KDM4C: variants seen among roughly 807,000 people sequenced by gnomAD.
KDM4C encodes the protein lysine demethylase 4C.
In KDM4C, 81 loss-of-function variants were observed where a neutral mutation model predicts 129.3. The observed-to-expected ratio is 0.63, with a 90% CI of 0.52 to 0.75. KDM4C has a LOEUF of 0.75. Ranked by LOEUF, KDM4C falls within the 30% of genes least tolerant of loss-of-function variation. The pLI is 0.00. For missense variants in KDM4C, 1,457 were observed against 1,304.0 expected, an observed-to-expected ratio of 1.12 and a Z score of -1.81; for synonymous variants, 573 against 456.1, an observed-to-expected ratio of 1.26 and a Z score of -3.26.
chr9:6,866,479 A>T (rs1842004281), intron 5 of KDM4C, among the ~76,000 whole-genome samples: 2 of 152,108 alleles, frequency 1.3e-5, no homozygotes, highest in African/African-American at 4.8e-5. Context: ...ACAGTGTAGC[A>T]CTGCTGAGCT....
chr9:7,112,196 A>G (rs1197077618), intron 18 of KDM4C, among the ~76,000 whole-genome samples: 1 of 152,160 alleles, frequency 6.6e-6, no homozygotes, highest in African/African-American at 2.4e-5. Context: ...ACTTTCCTTC[A>G]TCCATGTTCC....
At position 6,798,940 on chromosome 9, in the gene KDM4C, G is replaced by A. The variant is rs1012539244; in HGVS notation, c.144+5808G>A. On this transcript the variant is annotated intron_variant, in intron 2 of 21. Coordinates refer to ENST00000381309, the MANE Select transcript of KDM4C (RefSeq NM_015061.6). Reference sequence around the variant, plus strand: ...TCCCAGACGGGGTCGCGGTCGGGTCGAGGCGCTCCTCACATCCCAGACGAT... The same window carrying A: ...TCCCAGACGGGGTCGCGGTCGGGTCAAGGCGCTCCTCACATCCCAGACGAT... Among the ~76,000 whole-genome samples the A allele has an allele frequency of 5.3e-5, 8 of 151,316 alleles. No individual in the cohort carries two copies. In the East Asian group the frequency reaches 7.8e-4, roughly 15 times the overall value.
intron 19 of KDM4C, 140 bp from the exon 20 acceptor site, chr9:7,165,098 G>C: frequency 2.1e-6 from 2 of 974,810 alleles, no homozygotes; most frequent in South Asian, 3.5e-5. Context: ...CTCTTCCCCT[G>C]AACACCCATG....
At chr9:7,068,119 G>C (rs953092571) in intron 17 of KDM4C, among the ~76,000 whole-genome samples, 2 of 152,086 alleles carry the variant, frequency 1.3e-5, no homozygotes, top group Non-Finnish European at 2.9e-5. Context: ...TTTCTATGGA[G>C]AAAATAACTT....
intron 8 of KDM4C, among the ~76,000 whole-genome samples, chr9:6,954,351 ATAAT>A (rs1225432789): frequency 6.6e-6 from 1 of 152,140 alleles, no homozygotes; most frequent in East Asian, 1.9e-4. Context: ...GGGCTATGGT[ATAAT>A]TAATTATGTC....
At chr9:6,953,707 G>A (rs949605720) in intron 8 of KDM4C, among the ~76,000 whole-genome samples, 22 of 152,270 alleles carry the variant, frequency 1.4e-4, no homozygotes, top group African/African-American at 5.1e-4. Flanking sequence ...TTGAGAGAAC[G>A]GAGGATTTTT....
At chr9:7,170,483 A>G (rs1174644376) in intron 21 of KDM4C, 7 of 981,874 alleles carry the variant, frequency 7.1e-6, no homozygotes, top group Non-Finnish European at 8.5e-6. Context: ...GCCCTCACAT[A>G]CCATTAAAAG....
chr9:6,991,397 CTT>C (rs950313588), intron 12 of KDM4C, among the ~76,000 whole-genome samples: 11 of 152,168 alleles, frequency 7.2e-5, no homozygotes, highest in African/African-American at 2.7e-4. Context: ...CCCTTCTCAC[CTT>C]TCTTTTATAA....
intron 15 of KDM4C, among the ~76,000 whole-genome samples, chr9:7,037,405 C>T (rs1393731085): frequency 6.6e-6 from 1 of 152,134 alleles, no homozygotes; most frequent in East Asian, 1.9e-4. Context: ...CCCTCGGCTG[C>T]AAATAATGAA....
At chr9:6,923,358 A>G (rs1486749088) in intron 8 of KDM4C, among the ~76,000 whole-genome samples, 1 of 151,848 alleles carries the variant, frequency 6.6e-6, no homozygotes, top group African/African-American at 2.4e-5. Flanking sequence ...TTCCGTTTAA[A>G]TGTTTTTTTT....
In KDM4C at chr9:6,725,687, CTTTCTTTTCT is replaced by C. The variant is rs141556812; in HGVS notation, c.49+4709_49+4718del. 3.2e-3 allele frequency among the ~76,000 whole-genome samples: 442 copies of C among 137,804 alleles called. 3 individuals carry two copies. The highest frequency in any genetic ancestry group is 0.011 in the African/African-American group (405 of 36,702). The allele number at this position is 137,804 out of a possible 152,430, so 90.4% of individuals were successfully genotyped here. On this transcript the variant is annotated intron_variant, in intron 1 of 17. Coordinates refer to the KDM4C transcript ENST00000536108. Reference sequence around the variant, plus strand: ...AATATTTTTAGTAGAGATTGGGTTTCTTTCTTTTCTTTTCTTTTCTTTTCTTTTTTTTTTT... The same window carrying C: ...AATATTTTTAGTAGAGATTGGGTTTCTTTCTTTTCTTTTCTTTTTTTTTTT...
At chr9:7,118,338 T>C (rs1047373936) in intron 18 of KDM4C, among the ~76,000 whole-genome samples, 12 of 152,218 alleles carry the variant, frequency 7.9e-5, no homozygotes, top group Admixed American at 3.3e-4. Context: ...CATATGTGTA[T>C]TTGTGCTGTA....
At chr9:7,011,112 G>C (rs1822609465) in intron 12 of KDM4C, among the ~76,000 whole-genome samples, 1 of 152,142 alleles carries the variant, frequency 6.6e-6, no homozygotes, top group African/African-American at 2.4e-5. Flanking sequence ...GGTATTTTAT[G>C]AGAAGATCTG....
At chr9:6,788,612 C>A (rs527906391) in intron 1 of KDM4C, among the ~76,000 whole-genome samples, 1 of 152,352 alleles carries the variant, frequency 6.6e-6, no homozygotes, top group African/African-American at 2.4e-5. Flanking sequence ...CTTACTCCTT[C>A]ATTCAGCTGG....
chr9:6,996,059 A>C (rs1819684427), intron 12 of KDM4C, among the ~76,000 whole-genome samples: 1 of 152,190 alleles, frequency 6.6e-6, no homozygotes, highest in African/African-American at 2.4e-5. Context: ...TCTGGACTTT[A>C]GTCTAACCAT....
intron 1 of KDM4C, among the ~76,000 whole-genome samples, chr9:6,771,080 C>CTTTTTT (rs35945405): frequency 0.04 from 2,252 of 56,974 alleles, 335 homozygotes; most frequent in African/African-American, 0.067. Context: ...GACTGTGAAT[C>CTTTTTT]TTTTTTTTTT....
At chr9:6,962,147 A>G (rs1310121374) in intron 8 of KDM4C, among the ~76,000 whole-genome samples, 1 of 152,246 alleles carries the variant, frequency 6.6e-6, no homozygotes, top group Non-Finnish European at 1.5e-5. Flanking sequence ...GAAAAAAGCA[A>G]TAGGAGTGAA....
At chr9:6,965,187 C>G (rs552570013) in intron 8 of KDM4C, among the ~76,000 whole-genome samples, 1 of 151,770 alleles carries the variant, frequency 6.6e-6, no homozygotes, top group East Asian at 1.9e-4. Flanking sequence ...AGAAACGTGG[C>G]TCTGGCTGTG....
intron 4 of KDM4C, among the ~76,000 whole-genome samples, chr9:6,824,708 A>G (rs1833601893): frequency 1.3e-5 from 2 of 152,138 alleles, no homozygotes; most frequent in Non-Finnish European, 2.9e-5. Flanking sequence ...TTATATATCA[A>G]CATACATTAT....
Sources: allele counts gnomAD v4.1 joint callset (sites outside exome capture counted in the v4.1 genomes callset), GRCh38; gene constraint gnomAD v4.1.1; transcripts MANE v1.5; gene names NCBI Gene and HGNC (gene_info 2026-07-23, HGNC 2026-07-21).